Variants in SBF1 observed in about 807,000 individuals in gnomAD.
The protein encoded by SBF1 is myotubularin-related protein 5.
In SBF1, 65 loss-of-function variants were observed where a neutral mutation model predicts 215.8. The observed-to-expected ratio is 0.30, with a 90% CI of 0.25 to 0.37. The LOEUF is 0.37. Among genes scored for constraint, SBF1 ranks in the 10% least tolerant of loss-of-function variants. The probability of loss-of-function intolerance (pLI) is 1.00; values close to 1 mark genes in which losing one functional copy is unlikely to be tolerated. For missense variants in SBF1, 2,634 were observed against 2,667.8 expected, an observed-to-expected ratio of 0.99 and a Z score of 0.28; for synonymous variants, 1,410 against 1,122.8, an observed-to-expected ratio of 1.26 and a Z score of -5.11.
chr22:50,460,792 T>C (rs2067474891), intron 23 of SBF1, 80 bp from the exon 24 acceptor site: 1 of 1,436,606 alleles, frequency 7.0e-7, no homozygotes, highest in Non-Finnish European at 9.6e-7. Flanking sequence ...CAGGCTCCCC[T>C]TCCCCTCGCA....
intron 36 of SBF1, among the ~76,000 whole-genome samples, chr22:50,449,689 CA>C (rs59538325): frequency 0.057 from 8,646 of 151,122 alleles, 712 homozygotes; most frequent in African/African-American, 0.18. Flanking sequence ...TGCTGAAAAA[CA>C]AAGAGAAAAG....
At chr22:50,456,993 C>CA in intron 29 of SBF1, 41 bp downstream of exon 29, 1 of 1,384,124 alleles carries the variant, frequency 7.2e-7, no homozygotes, top group East Asian at 2.9e-5. Flanking sequence ...CCGCCAGCAC[C>CA]AAGTAAGGGG....
Position 50,461,580 on chromosome 22 carries a change from C to T in SBF1, c.2782G>A (p.Ala928Thr), listed in dbSNP as rs1164678857. The change falls in exon 22 of 41, where the codon GCC (alanine) becomes ACC (threonine). Residue 928 changes from alanine to threonine, a missense_variant. By Grantham distance (58) the Ala-to-Thr change is moderately conservative. Coordinates refer to ENST00000380817, the MANE Select transcript of SBF1 (RefSeq NM_002972.4). ...ACCCGGTACGTGGTGAGGAAGACGGCGCCCTCAGCTGGGAGCAATGCTGGT... is the reference window on the plus strand; with the variant it reads ...ACCCGGTACGTGGTGAGGAAGACGGTGCCCTCAGCTGGGAGCAATGCTGGT... ...GGPALLPAEG[A>T]VFLTTYRVIF... 1.9e-6 allele frequency: 3 copies of T among 1,611,732 alleles called. No individual in the cohort carries two copies. The highest frequency in any genetic ancestry group is 2.5e-6 in the Non-Finnish European group (3 of 1,179,372).
At position 50,459,295 on chromosome 22, in the gene SBF1, G is replaced by A; in HGVS notation, c.3786C>T (p.Asn1262=). 1 of 1,611,564 alleles carries A rather than the reference G, an allele frequency of 6.2e-7. No homozygotes were observed. Among genetic ancestry groups the A allele is most frequent in the African/African-American group, 1.3e-5 (1 of 75,046 alleles). Residue 1262 remains asparagine (N), a synonymous_variant, in exon 28 of 41, where the codon AAC becomes AAT. Coordinates refer to ENST00000380817, the MANE Select transcript of SBF1 (RefSeq NM_002972.4). ...MPRYADASGR[N]TLSGFSSAHM... is the part of the protein sequence containing the mutation. ...GGGCTGAGGAGAAGCCGCTAAGCGTGTTGCGTCCCGACGCGTCGGCGTAGC... is the reference window on the plus strand; with the variant it reads ...GGGCTGAGGAGAAGCCGCTAAGCGTATTGCGTCCCGACGCGTCGGCGTAGC...
intron 36 of SBF1, among the ~76,000 whole-genome samples, chr22:50,452,671 G>C (rs954080057): frequency 4.0e-5 from 5 of 125,988 alleles, no homozygotes; most frequent in African/African-American, 1.5e-4. Context: ...GCAGTGAACC[G>C]AGATCGCACC....
chr22:50,466,557 A>C, intron 6 of SBF1, 48 bp downstream of exon 6: 1 of 1,528,702 alleles, frequency 6.5e-7, no homozygotes. Flanking sequence ...ATCCCTAACT[A>C]CCAGTCCCCG....
At chr22:50,448,121 A>G (rs1054327510) in intron 38 of SBF1, 112 bp downstream of exon 38, 2 of 979,860 alleles carry the variant, frequency 2.0e-6, no homozygotes, top group Non-Finnish European at 3.1e-6. Context: ...GTGGTGGTGT[A>G]TACTTAAGCA....
In SBF1 at chr22:50,459,315, C is replaced by A. The variant is rs374895065; in HGVS notation, c.3766G>T (p.Ala1256Ser). ...QAVVSSMPRY[A>S]DASGRNTLSG... ...AGCGTGTTGCGTCCCGACGCGTCGG[C>A]GTAGCGGGGCATGGAGCTGACCACA... The change falls in exon 28 of 41, where the codon GCC (alanine) becomes TCC (serine). Residue 1256 changes from alanine (A) to serine (S), a missense_variant. Physicochemically the swap from Ala to Ser is moderately conservative, Grantham distance 99 (BLOSUM62 1). Transcript: ENST00000380817. The A allele has an allele frequency of 6.2e-7, 1 of 1,612,668 alleles. No individual in the cohort carries two copies. The highest frequency in any genetic ancestry group is 8.5e-7 in the Non-Finnish European group (1 of 1,179,438).
intron 7 of SBF1, 35 bp from the exon 8 acceptor site, chr22:50,466,293 G>C: frequency 1.9e-6 from 3 of 1,612,008 alleles, no homozygotes; most frequent in Non-Finnish European, 2.5e-6. Context: ...TGAGCCAGGG[G>C]ACGCGGCTGG....
In SBF1 at chr22:50,446,414, T is replaced by A. The variant is rs1193804311; in HGVS notation, c.*728A>T. Reference sequence around the variant, plus strand: ...CTTCAGCTCGGGTCTAGCCAGAAACTGACGTCCACCTCAAGTGTCCTCTGG... The same window carrying A: ...CTTCAGCTCGGGTCTAGCCAGAAACAGACGTCCACCTCAAGTGTCCTCTGG... On this transcript the variant is annotated 3_prime_UTR_variant, in exon 41 of 41. Coordinates refer to ENST00000380817, the MANE Select transcript of SBF1 (RefSeq NM_002972.4). The A allele has an allele frequency of 1.6e-5, 2 of 123,872 alleles. No homozygotes were observed. The highest frequency in any genetic ancestry group is 3.1e-5 in the Non-Finnish European group (2 of 63,516). 7.7% of individuals were successfully genotyped at this position (123,872 alleles called of 1,614,324 possible).
At chr22:50,467,288 C>T in intron 5 of SBF1, 50 bp downstream of exon 5, 2 of 1,499,178 alleles carry the variant, frequency 1.3e-6, no homozygotes, top group Non-Finnish European at 1.8e-6. Context: ...ACCAGGGCCC[C>T]AGCAGGAGGG....
intron 28 of SBF1, chr22:50,457,322 G>A (rs568091642): frequency 4.4e-4 from 196 of 444,512 alleles, no homozygotes; most frequent in African/African-American, 3.4e-3. Context: ...AGAGCACTCC[G>A]TGGCAGCAGA....
At position 50,462,543 on chromosome 22, in the gene SBF1, G is replaced by A. The variant is rs755596721; in HGVS notation, c.2127+16C>T. 1.9e-6 allele frequency: 3 copies of A among 1,609,904 alleles called. No homozygotes were observed. Among genetic ancestry groups the A allele is most frequent in the South Asian group, 2.2e-5 (2 of 90,870 alleles). On this transcript the variant is annotated intron_variant, in intron 18 of 40. Coordinates refer to ENST00000380817, the MANE Select transcript of SBF1 (RefSeq NM_002972.4). Reference sequence around the variant, plus strand: ...CCCCTAGCCCCCAGCCCCCAGCCCAGGGAGTCCCTGCGCACCTGGGCGGGG... The same window carrying A: ...CCCCTAGCCCCCAGCCCCCAGCCCAAGGAGTCCCTGCGCACCTGGGCGGGG...
rs1358543854 is a variant in SBF1, at chr22:50,459,647, C to T, written c.3511G>A (p.Val1171Met). The T allele has an allele frequency of 1.9e-6, 3 of 1,606,698 alleles. No homozygotes were observed. The highest frequency in any genetic ancestry group is 2.5e-6 in the Non-Finnish European group (3 of 1,177,774). Residue 1171 changes from valine (V) to methionine (M), a missense_variant, in exon 27 of 41, where the codon GTG becomes ATG. By Grantham distance (21) the Val-to-Met change is conservative. Coordinates refer to ENST00000380817, the MANE Select transcript of SBF1 (RefSeq NM_002972.4). ...ICRSYPGLLI[V>M]PQSVQDNALQ... Reference sequence around the variant, plus strand: ...GCGTTGTCCTGGACACTCTGGGGCACGATCAGCAGCCCTGGGTAGCTGAGA... The same window carrying T: ...GCGTTGTCCTGGACACTCTGGGGCATGATCAGCAGCCCTGGGTAGCTGAGA...
At chr22:50,464,945 A>C in intron 12 of SBF1, 28 bp from the exon 13 acceptor site, 1 of 1,613,606 alleles carries the variant, frequency 6.2e-7, no homozygotes, top group Non-Finnish European at 8.5e-7. Context: ...AGGTTAGGTA[A>C]GCCATGGTCA....
intron 36 of SBF1, among the ~76,000 whole-genome samples, chr22:50,452,202 C>A (rs1185774397): frequency 6.6e-6 from 1 of 150,410 alleles, no homozygotes; most frequent in Non-Finnish European, 1.5e-5. Flanking sequence ...AGAGAAAATG[C>A]CCTTTGCAAA....
chr22:50,465,877 G>C, intron 9 of SBF1, 37 bp from the exon 10 acceptor site: 1 of 1,611,906 alleles, frequency 6.2e-7, no homozygotes, highest in Non-Finnish European at 8.5e-7. Context: ...CTGCACGCTG[G>C]CCCCGGCTCT....
intron 2 of SBF1, 57 bp downstream of exon 2, chr22:50,468,319 C>A: frequency 4.0e-6 from 6 of 1,496,172 alleles, no homozygotes; most frequent in Non-Finnish European, 5.5e-6. Context: ...AAGGGCAGGG[C>A]TGTGCCCACC....
chr22:50,456,811 AGAG>A, intron 29 of SBF1, 138 bp from the exon 30 acceptor site: 1 of 796,838 alleles, frequency 1.3e-6, no homozygotes, highest in Non-Finnish European at 1.9e-6. Context: ...GGGCCGTGCG[AGAG>A]GAGGGCTGGA....
Sources: allele counts gnomAD v4.1 joint callset (sites outside exome capture counted in the v4.1 genomes callset), GRCh38; gene constraint gnomAD v4.1.1; transcripts MANE v1.5; gene names NCBI Gene and HGNC (gene_info 2026-07-23, HGNC 2026-07-21).